Variants in LAMA3 observed in about 807,000 individuals in gnomAD.
LAMA3 encodes the protein laminin subunit alpha 3.
Under a neutral mutation model 402.0 loss-of-function variants are expected in LAMA3, and 281 were observed. The ratio of observed to expected loss-of-function variants is 0.70; its 90% CI spans 0.63 to 0.77. The LOEUF is 0.77. LAMA3 is among the 30% of genes least tolerant of loss of function. The pLI is 0.00. For missense variants in LAMA3, 3,840 were observed against 4,215.5 expected (o/e 0.91, Z 2.47); for synonymous variants, 1,431 against 1,558.4 (o/e 0.92, Z 1.93).
At chr18:23,858,438 A>G (rs1780612043) in intron 33 of LAMA3, among the ~76,000 whole-genome samples, 1 of 152,116 alleles carries the variant, frequency 6.6e-6, no homozygotes, top group Non-Finnish European at 1.5e-5. Flanking sequence ...GTATGGTGCT[A>G]TTTCTCTACT....
intron 2 of LAMA3, among the ~76,000 whole-genome samples, chr18:23,736,173 T>C (rs183678080): frequency 1.9e-3 from 296 of 151,868 alleles, no homozygotes; most frequent in African/African-American, 6.7e-3. Context: ...GCACCAGACA[T>C]TCTGGCTCCA....
intron 9 of LAMA3, among the ~76,000 whole-genome samples, chr18:23,774,227 GCAA>G (rs1172465568): frequency 1.3e-5 from 2 of 152,190 alleles, no homozygotes; most frequent in East Asian, 3.9e-4. Flanking sequence ...TGTCTCAGAA[GCAA>G]CAACAACAAC....
At chr18:23,870,090 G>A (rs2064472696) in intron 37 of LAMA3, among the ~76,000 whole-genome samples, 1 of 152,092 alleles carries the variant, frequency 6.6e-6, no homozygotes, top group Non-Finnish European at 1.5e-5. Flanking sequence ...AGATCATGAG[G>A]TCAGGAGTTC....
chr18:23,928,773 G>T lies in LAMA3; in HGVS notation c.8436+8G>T, dbSNP rs776398819. 1.2e-6 allele frequency: 2 copies of T among 1,611,734 alleles called. No homozygotes were observed. The highest frequency in any genetic ancestry group is 2.2e-5 in the South Asian group (2 of 91,026). ...TTAGATCATCAGACATGGGTATGCA[G>T]TAGTGCATTAATATCAAACAAGATT... On this transcript the variant is annotated splice_region_variant and intron_variant, in intron 64 of 74. Transcript: ENST00000313654.
intron 1 of LAMA3, 91 bp downstream of exon 1, chr18:23,690,068 G>C (rs536885216): frequency 1.9e-6 from 2 of 1,048,506 alleles, no homozygotes; most frequent in African/African-American, 3.4e-5. Flanking sequence ...CTTTCCTCAC[G>C]CGCGCTAGTG....
At chr18:23,888,480 A>G (rs889009664) in intron 41 of LAMA3, among the ~76,000 whole-genome samples, 3 of 152,170 alleles carry the variant, frequency 2.0e-5, no homozygotes, top group Middle Eastern at 3.2e-3. Flanking sequence ...GTAGGGATAT[A>G]TCAGTGAGCA....
At chr18:23,881,277 A>G (rs2064886851) in intron 39 of LAMA3, among the ~76,000 whole-genome samples, 1 of 152,196 alleles carries the variant, frequency 6.6e-6, no homozygotes, top group South Asian at 2.1e-4. Flanking sequence ...GATAACATTA[A>G]TTTCTTGCTT....
chr18:23,931,307 A>G, intron 65 of LAMA3, 106 bp downstream of exon 65: 1 of 917,670 alleles, frequency 1.1e-6, no homozygotes, highest in Middle Eastern at 2.7e-4. Flanking sequence ...TTGATACCAA[A>G]AATACTTCAC....
intron 42 of LAMA3, among the ~76,000 whole-genome samples, chr18:23,893,826 C>T (rs1339856051): frequency 6.6e-6 from 1 of 152,208 alleles, no homozygotes; most frequent in Non-Finnish European, 1.5e-5. Context: ...CTCAAAGGTG[C>T]TCAGTGAATG....
intron 37 of LAMA3, among the ~76,000 whole-genome samples, chr18:23,868,391 T>C (rs2064418705): frequency 1.3e-5 from 2 of 152,144 alleles, no homozygotes; most frequent in Non-Finnish European, 2.9e-5. Flanking sequence ...TCACAATTAA[T>C]TATCCATATC....
At chr18:23,702,118 G>C (rs1167728347) in intron 1 of LAMA3, among the ~76,000 whole-genome samples, 3 of 152,064 alleles carry the variant, frequency 2.0e-5, no homozygotes, top group Non-Finnish European at 4.4e-5. Flanking sequence ...GAGGTTTGTA[G>C]ATTATGAAGA....
intron 38 of LAMA3, among the ~76,000 whole-genome samples, chr18:23,874,253 A>G (rs2144842096): frequency 6.6e-6 from 1 of 152,360 alleles, no homozygotes; most frequent in South Asian, 2.1e-4. Flanking sequence ...GTAAGCAGGT[A>G]ATGTGATATA....
chr18:23,833,811 C>T lies in LAMA3; in HGVS notation c.2824-17C>T. The stretch of plus-strand genomic sequence containing the variant: ...TCACAGCTGGATCACAGTCTGTCTG[C>T]TTGGCCTCTGTGACAGGTGGAATTG... On this transcript the variant is annotated splice_polypyrimidine_tract_variant and intron_variant, in intron 23 of 74. Coordinates refer to ENST00000313654, the MANE Select transcript of LAMA3 (RefSeq NM_198129.4). The T allele has an allele frequency of 1.2e-6, 2 of 1,612,400 alleles. No individual in the cohort carries two copies. The highest frequency in any genetic ancestry group is 1.1e-5 in the South Asian group (1 of 91,004).
At position 23,895,080 on chromosome 18, in the gene LAMA3, G is replaced by A. The variant is rs1050679989; in HGVS notation, c.5613+22G>A. ...GAGGGTAAATCCCCTGCGGCCGAGA[G>A]TAGACACGTGGGGAGGAGATGCTGC... On this transcript the variant is annotated intron_variant, in intron 44 of 74. Coordinates refer to ENST00000313654, the MANE Select transcript of LAMA3 (RefSeq NM_198129.4). The A allele has an allele frequency of 4.5e-6, 7 of 1,570,492 alleles. No homozygotes were observed. In the African/African-American group the frequency reaches 5.4e-5, roughly 12 times the overall value.
intron 11 of LAMA3, chr18:23,781,194 CTG>C (rs761289730): frequency 2.9e-4 from 120 of 419,970 alleles, no homozygotes; most frequent in Non-Finnish European, 5.1e-4. Context: ...AACGCCAAGA[CTG>C]TAATTCACGG....
intron 2 of LAMA3, among the ~76,000 whole-genome samples, chr18:23,740,787 G>A (rs770659604): frequency 3.3e-5 from 5 of 152,136 alleles, no homozygotes; most frequent in Non-Finnish European, 7.3e-5. Context: ...AATGCAGTGA[G>A]TTCCCCTCAG....
chr18:23,909,388 G>A (rs1267106440), intron 55 of LAMA3, 93 bp downstream of exon 55: 1 of 1,205,492 alleles, frequency 8.3e-7, no homozygotes, highest in African/African-American at 1.5e-5. Context: ...ATTTACTCAA[G>A]AATTGGTTGT....
chr18:23,827,571 A>G (rs1476958474), intron 23 of LAMA3, 104 bp downstream of exon 23: 3 of 1,299,934 alleles, frequency 2.3e-6, no homozygotes, highest in Non-Finnish European at 3.2e-6. Flanking sequence ...GGGAACCTGG[A>G]AGAATTTCTC....
chr18:23,805,317 A>G (rs530973061), intron 12 of LAMA3, among the ~76,000 whole-genome samples: 1 of 152,314 alleles, frequency 6.6e-6, no homozygotes, highest in Admixed American at 6.5e-5. Flanking sequence ...GATGAATCGA[A>G]TGGGCAAGCA....
Sources: allele counts gnomAD v4.1 joint callset (sites outside exome capture counted in the v4.1 genomes callset), GRCh38; gene constraint gnomAD v4.1.1; transcripts MANE v1.5; gene names NCBI Gene and HGNC (gene_info 2026-07-23, HGNC 2026-07-21).